Variants in SLC2A9 observed in about 807,000 individuals in gnomAD.
SLC2A9 encodes the protein solute carrier family 2 member 9.
In SLC2A9, 39 loss-of-function variants were observed where a neutral mutation model predicts 50.6. That is an observed-to-expected ratio of 0.77 (90% CI 0.60 to 1.01). SLC2A9 has a LOEUF of 1.01. Among genes scored for constraint, SLC2A9 ranks in the 50% least tolerant of loss-of-function variants. The probability of loss-of-function intolerance (pLI) is 0.00; values close to 1 mark genes in which losing one functional copy is unlikely to be tolerated. For missense variants in SLC2A9, 686 were observed against 677.6 expected, an observed-to-expected ratio of 1.01 and a Z score of -0.14; for synonymous variants, 324 against 276.9, an observed-to-expected ratio of 1.17 and a Z score of -1.69.
At chr4:10,029,852 T>G (rs1363477885) in intron 1 of SLC2A9, among the ~76,000 whole-genome samples, 1 of 152,000 alleles carries the variant, frequency 6.6e-6, no homozygotes, top group Non-Finnish European at 1.5e-5. Context: ...GCCAGGATGG[T>G]CTGGAACTCC....
chr4:9,958,743 C>T (rs939549985), intron 5 of SLC2A9, among the ~76,000 whole-genome samples: 2 of 152,154 alleles, frequency 1.3e-5, no homozygotes, highest in Non-Finnish European at 2.9e-5. Context: ...GACTGTTCTG[C>T]ACCAGGACCT....
intron 5 of SLC2A9, among the ~76,000 whole-genome samples, chr4:9,970,898 T>C (rs1753800419): frequency 6.6e-6 from 1 of 152,220 alleles, no homozygotes; most frequent in East Asian, 1.9e-4. Context: ...ACTGATGTTA[T>C]CTATAGATTC....
At chr4:10,004,660 GATAC>G (rs1760446061) in intron 2 of SLC2A9, among the ~76,000 whole-genome samples, 1 of 152,218 alleles carries the variant, frequency 6.6e-6, no homozygotes, top group African/African-American at 2.4e-5. Context: ...AAGCCACTGA[GATAC>G]AGGGCTTGTT....
At chr4:9,771,383 GAGGGTGT>G in intron 1 of SLC2A9, 1 of 397,626 alleles carries the variant, frequency 2.5e-6, no homozygotes, top group Non-Finnish European at 4.4e-6. Context: ...CAGAAGGAGA[GAGGGTGT>G]AGAGTCATGC....
At chr4:9,920,102 T>C (rs1445563879) in intron 7 of SLC2A9, among the ~76,000 whole-genome samples, 1 of 152,232 alleles carries the variant, frequency 6.6e-6, no homozygotes. Flanking sequence ...CTTTTAGACA[T>C]GTCTAGGAAT....
intron 10 of SLC2A9, among the ~76,000 whole-genome samples, chr4:9,881,234 G>A (rs1178572540): frequency 6.6e-6 from 1 of 152,254 alleles, no homozygotes; most frequent in African/African-American, 2.4e-5. Context: ...GAATCATGCA[G>A]TGTTAGAAAA....
chr4:9,945,645 G>A (rs1362152754), intron 5 of SLC2A9, among the ~76,000 whole-genome samples: 1 of 152,148 alleles, frequency 6.6e-6, no homozygotes, highest in Non-Finnish European at 1.5e-5. Flanking sequence ...AGTGACCAGG[G>A]AGGAGCCATC....
chr4:9,891,943 T>C (rs961546648), intron 8 of SLC2A9, among the ~76,000 whole-genome samples: 5 of 152,300 alleles, frequency 3.3e-5, no homozygotes, highest in East Asian at 3.9e-4. Flanking sequence ...CAGGTGACAG[T>C]GCGAAGGTCA....
intron 11 of SLC2A9, among the ~76,000 whole-genome samples, chr4:9,833,329 G>A (rs931642621): frequency 2.0e-5 from 3 of 152,194 alleles, no homozygotes; most frequent in African/African-American, 7.2e-5. Flanking sequence ...AAGTTACAGG[G>A]TGTGGCAGCC....
intron 10 of SLC2A9, among the ~76,000 whole-genome samples, chr4:9,870,080 C>G (rs1223287359): frequency 6.6e-6 from 1 of 152,242 alleles, no homozygotes; most frequent in Non-Finnish European, 1.5e-5. Context: ...AGCCAAGGAG[C>G]ACTGGCAGCT....
Position 9,890,682 on chromosome 4 carries a change from T to C in SLC2A9, c.1143A>G (p.Arg381=). ...SGLVIEHLGR[R]PLLIGGFGLM... is the part of the protein sequence containing the mutation. ...GCCCAAAGCCACCAATGAGGAGGGG[T>C]CTCCGTCCCAGGTGCTCAATGACCA... The change falls in exon 9 of 12, where the codon AGA becomes AGG. Residue 381 remains arginine, a synonymous_variant. Coordinates refer to ENST00000264784, the MANE Select transcript of SLC2A9 (RefSeq NM_020041.3). 1 of 1,613,366 alleles carries C rather than the reference T, an allele frequency of 6.2e-7. No individual in the cohort carries two copies. Among genetic ancestry groups the C allele is most frequent in the Non-Finnish European group, 8.5e-7 (1 of 1,179,904 alleles).
chr4:9,788,799 C>T (rs1378126708), intron 3 of SLC2A9, among the ~76,000 whole-genome samples: 1 of 152,068 alleles, frequency 6.6e-6, no homozygotes, highest in Non-Finnish European at 1.5e-5. Context: ...TGTCATTATT[C>T]TTTGAGTAGT....
intron 3 of SLC2A9, among the ~76,000 whole-genome samples, chr4:9,819,116 CA>C (rs60751108): frequency 0.12 from 6,782 of 57,118 alleles, 272 homozygotes; most frequent in East Asian, 0.33. Flanking sequence ...GAGACTGTCT[CA>C]AAAAAAAAAA....
intron 7 of SLC2A9, among the ~76,000 whole-genome samples, chr4:9,916,669 C>T (rs1360723272): frequency 6.6e-6 from 1 of 152,104 alleles, no homozygotes; most frequent in Non-Finnish European, 1.5e-5. Context: ...AGGGAAGTGA[C>T]TATGATTGGC....
At position 9,920,524 on chromosome 4, in the gene SLC2A9, T is replaced by G; in HGVS notation, c.863A>C (p.Glu288Ala). The G allele has an allele frequency of 6.2e-7, 1 of 1,614,194 alleles. No homozygotes were observed. The highest frequency in any genetic ancestry group is 1.1e-5 in the South Asian group (1 of 91,090). The part of the protein sequence containing the change: ...GKADVSQEVE[E>A]VLAESRVQRS... ...CTGCACGCGGCTCTCAGCCAGGACC[T>G]CCTCTACCTCTTGGGAAACGTCTGC... is the stretch of plus-strand genomic sequence containing the variant. The change falls in exon 7 of 12, where the codon GAG becomes GCG. Residue 288 changes from glutamate (E) to alanine (A), a missense_variant. Coordinates refer to ENST00000264784, the MANE Select transcript of SLC2A9 (RefSeq NM_020041.3).
downstream of SLC2A9, among the ~76,000 whole-genome samples, chr4:9,823,704 C>T (rs1396880493): frequency 6.6e-6 from 1 of 152,112 alleles, no homozygotes; most frequent in Non-Finnish European, 1.5e-5. Flanking sequence ...CTGTGAAAAA[C>T]AACTTTATAC....
chr4:9,910,393 T>C (rs1741501006), intron 7 of SLC2A9, among the ~76,000 whole-genome samples: 2 of 152,252 alleles, frequency 1.3e-5, no homozygotes, highest in African/African-American at 4.8e-5. Flanking sequence ...AATATGTTTA[T>C]ACAATTGCTT....
At chr4:9,958,370 T>A (rs1003590370) in intron 5 of SLC2A9, among the ~76,000 whole-genome samples, 3 of 152,108 alleles carry the variant, frequency 2.0e-5, no homozygotes, top group African/African-American at 7.2e-5. Context: ...GAAACTATCA[T>A]CCTCAGCAAA....
intron 1 of SLC2A9, among the ~76,000 whole-genome samples, chr4:10,037,114 A>G (rs1764131604): frequency 6.6e-6 from 1 of 152,148 alleles, no homozygotes; most frequent in Admixed American, 6.5e-5. Flanking sequence ...TTGAAGTGTG[A>G]TTTATGTACC....
Sources: allele counts gnomAD v4.1 joint callset (sites outside exome capture counted in the v4.1 genomes callset), GRCh38; gene constraint gnomAD v4.1.1; transcripts MANE v1.5; gene names NCBI Gene and HGNC (gene_info 2026-07-23, HGNC 2026-07-21).